Variants in RORA observed in about 807,000 individuals in gnomAD.
RORA encodes the protein RAR related orphan receptor A.
A neutral mutation model predicts 69.5 loss-of-function variants in RORA; 7 were observed. That is an observed-to-expected ratio of 0.10 (90% CI 0.06 to 0.19). The LOEUF is 0.19. Among genes scored for constraint, RORA ranks in the 10% least tolerant of loss-of-function variants. The pLI is 1.00. For missense variants in RORA, 457 were observed against 663.0 expected (o/e 0.69, Z 3.41); for synonymous variants, 261 against 240.8 (o/e 1.08, Z -0.78).
intron 1 of RORA, among the ~76,000 whole-genome samples, chr15:61,195,357 G>C (rs2079837706): frequency 4.0e-5 from 6 of 151,796 alleles, no homozygotes; most frequent in Admixed American, 3.9e-4. Flanking sequence ...GCTCTTCCCA[G>C]AGGTCTGCAG....
chr15:60,805,705 C>T (rs2072650781), intron 1 of RORA, among the ~76,000 whole-genome samples: 2 of 152,208 alleles, frequency 1.3e-5, no homozygotes. Context: ...GCCCAGTAGG[C>T]TCCTCTCTCT....
chr15:60,944,676 G>A (rs1420218942), intron 1 of RORA, among the ~76,000 whole-genome samples: 2 of 131,640 alleles, frequency 1.5e-5, no homozygotes, highest in African/African-American at 5.8e-5. Context: ...AGTGAGCTGA[G>A]ATCATACCAC....
At chr15:61,030,696 G>A (rs747972782) in intron 1 of RORA, among the ~76,000 whole-genome samples, 6 of 152,232 alleles carry the variant, frequency 3.9e-5, no homozygotes, top group Admixed American at 2.0e-4. Context: ...AAACAATGCC[G>A]TGACTTTTAA....
At chr15:60,712,963 G>A (rs953930544) in intron 1 of RORA, among the ~76,000 whole-genome samples, 5 of 152,042 alleles carry the variant, frequency 3.3e-5, no homozygotes, top group South Asian at 2.1e-4. Flanking sequence ...TCAACAGAGC[G>A]AATACTTTGA....
intron 1 of RORA, among the ~76,000 whole-genome samples, chr15:60,720,110 T>C (rs888908939): frequency 1.3e-5 from 2 of 152,118 alleles, no homozygotes; most frequent in Non-Finnish European, 2.9e-5. Context: ...GAGCCTAAAA[T>C]CGAGTTTCTC....
At chr15:60,705,830 G>A (rs2071055159) in intron 1 of RORA, among the ~76,000 whole-genome samples, 1 of 152,092 alleles carries the variant, frequency 6.6e-6, no homozygotes. Context: ...ATCCTACAAG[G>A]AGCTAATAAG....
intron 1 of RORA, among the ~76,000 whole-genome samples, chr15:61,184,986 CAAAAAAAA>C (rs775960162): frequency 1.7e-5 from 1 of 59,672 alleles, no homozygotes; most frequent in Non-Finnish European, 3.2e-5. Flanking sequence ...CCCTGTCTCT[CAAAAAAAA>C]AAAAAAAAAA....
At chr15:60,579,319 AC>A (rs2068124102) in intron 2 of RORA, among the ~76,000 whole-genome samples, 1 of 152,204 alleles carries the variant, frequency 6.6e-6, no homozygotes, top group Non-Finnish European at 1.5e-5. Context: ...TCCCTGGATC[AC>A]ACATTGAAGA....
intron 1 of RORA, among the ~76,000 whole-genome samples, chr15:61,214,863 C>CTTT (rs34041868): frequency 3.6e-4 from 39 of 107,072 alleles, no homozygotes; most frequent in East Asian, 5.4e-4. Context: ...CCTTCTTGGA[C>CTTT]TTTTTTTTTT....
At chr15:61,074,589 G>A (rs117852591) in intron 1 of RORA, among the ~76,000 whole-genome samples, 2,253 of 152,284 alleles carry the variant, frequency 0.015, 29 homozygotes, top group Middle Eastern at 0.024. Context: ...AGTCATATCT[G>A]TCAATGCTTA....
At chr15:61,122,486 C>A (rs983182122) in intron 1 of RORA, among the ~76,000 whole-genome samples, 2 of 152,172 alleles carry the variant, frequency 1.3e-5, no homozygotes, top group Non-Finnish European at 2.9e-5. Flanking sequence ...CCTGAGGTTA[C>A]ACTGACTTCA....
chr15:60,989,258 C>G (rs1203885813), intron 1 of RORA, among the ~76,000 whole-genome samples: 2 of 152,196 alleles, frequency 1.3e-5, no homozygotes, highest in African/African-American at 4.8e-5. Context: ...AATGACTAAT[C>G]TGCTTTTTGT....
chr15:60,675,095 T>C (rs2140742736), intron 2 of RORA, among the ~76,000 whole-genome samples: 1 of 152,286 alleles, frequency 6.6e-6, no homozygotes, highest in Middle Eastern at 3.4e-3. Context: ...TGTTGCATCT[T>C]TTCACCTCCA....
intron 2 of RORA, among the ~76,000 whole-genome samples, chr15:60,554,851 A>G (rs1452758492): frequency 4.6e-5 from 7 of 151,870 alleles, no homozygotes; most frequent in African/African-American, 7.3e-5. Context: ...TTCTCCCCCA[A>G]TCATCAAGGC....
chr15:61,018,258 G>A (rs1895373749), intron 1 of RORA, among the ~76,000 whole-genome samples: 1 of 152,112 alleles, frequency 6.6e-6, no homozygotes, highest in African/African-American at 2.4e-5. Context: ...GGCTTAGAGT[G>A]GCAAGTACCG....
At chr15:60,833,205 G>A (rs2073070540) in intron 1 of RORA, among the ~76,000 whole-genome samples, 1 of 149,064 alleles carries the variant, frequency 6.7e-6, no homozygotes, top group South Asian at 2.1e-4. Context: ...GCCCAGCCGA[G>A]TCTTCTTTTT....
intron 1 of RORA, among the ~76,000 whole-genome samples, chr15:60,951,479 C>CA (rs1223737109): frequency 1.3e-5 from 2 of 151,100 alleles, no homozygotes; most frequent in Admixed American, 6.6e-5. Context: ...AAAAACCCTT[C>CA]AAAAAATTAA....
In RORA at chr15:60,773,180, A is replaced by T. The variant is rs968775060; in HGVS notation, c.167-94494T>A. On this transcript the variant is annotated intron_variant, in intron 1 of 10. Transcript: ENST00000335670. ...TGATCCATCTTGACAAGTCTATGAA[A>T]ACTGGAACACAGGGAGTCACAGGCT... Among the ~76,000 whole-genome samples the T allele has an allele frequency of 7.9e-5, 12 of 152,322 alleles. No homozygotes were observed. The East Asian group carries it at 2.1e-3, about 27-fold the overall frequency.
intron 2 of RORA, among the ~76,000 whole-genome samples, chr15:60,615,774 T>C (rs2069225665): frequency 6.6e-6 from 1 of 152,240 alleles, no homozygotes; most frequent in Non-Finnish European, 1.5e-5. Context: ...TGACAAGTCC[T>C]TTTGTTAATG....
Sources: allele counts gnomAD v4.1 joint callset (sites outside exome capture counted in the v4.1 genomes callset), GRCh38; gene constraint gnomAD v4.1.1; transcripts MANE v1.5; gene names NCBI Gene and HGNC (gene_info 2026-07-23, HGNC 2026-07-21).